GPR143: variants seen among roughly 807,000 people sequenced by gnomAD.
GPR143 encodes G-protein coupled receptor 143.
Under a neutral mutation model 27.6 loss-of-function variants are expected in GPR143, and 8 were observed. The observed-to-expected ratio is 0.29, with a 90% CI of 0.17 to 0.52. The LOEUF is 0.52. Among genes scored for constraint, GPR143 ranks in the 20% least tolerant of loss-of-function variants. The pLI is 0.96. For synonymous variants in GPR143, 156 were observed against 153.2 expected, an observed-to-expected ratio of 1.02 and a Z score of -0.13; for missense variants, 303 against 343.1, an observed-to-expected ratio of 0.88 and a Z score of 0.92.
chrX:9,728,997 T>C (rs887599058), intron 8 of GPR143, among the ~76,000 whole-genome samples: 1 of 111,071 alleles, frequency 9.0e-6, no homozygotes, highest in East Asian at 2.8e-4. Flanking sequence ...GATGAGCTGC[T>C]TGAAGGGCAG....
chrX:9,776,818 C>T (rs1423313154), intron 1 of GPR143, among the ~76,000 whole-genome samples: 1 of 111,444 alleles, frequency 9.0e-6, no homozygotes, highest in African/African-American at 3.3e-5. Flanking sequence ...GCGATCCTCC[C>T]ACTTCAGCCT....
chrX:9,762,495 AACAC>A (rs2083507327), intron 1 of GPR143, among the ~76,000 whole-genome samples: 1 of 111,977 alleles, frequency 8.9e-6, no homozygotes, highest in Non-Finnish European at 1.9e-5. Flanking sequence ...TACACCACTA[AACAC>A]ACACTGTGCA....
At chrX:9,747,009 TAAAAAAAAAAA>T (rs56761188) in intron 4 of GPR143, among the ~76,000 whole-genome samples, 67 of 37,634 alleles carry the variant, frequency 1.8e-3, no homozygotes, top group African/African-American at 5.0e-3. Context: ...GCAGAAAATG[TAAAAAAAAAAA>T]AAAAAAAAAA....
rs2083527354 is a variant in GPR143, at chrX:9,765,569, C to T, written c.249G>A (p.Leu83=). ...CCCGCGGGCCGCGCGCGCCCTTACCCAGGCAGCCGAGAAGGTCGCAGGCAG... is the reference window on the plus strand; with the variant it reads ...CCCGCGGGCCGCGCGCGCCCTTACCTAGGCAGCCGAGAAGGTCGCAGGCAG... The part of the protein sequence containing the change: ...AAAACDLLGC[L]GMVIRSTVWL... Residue 83 remains leucine, a splice_region_variant and synonymous_variant, in exon 1 of 9, where the codon CTG becomes CTA. Coordinates refer to ENST00000467482, the MANE Select transcript of GPR143 (RefSeq NM_000273.3). The T allele has an allele frequency of 9.3e-7, 1 of 1,077,142 alleles. No homozygotes were observed. Among genetic ancestry groups the T allele is most frequent in the Non-Finnish European group, 1.2e-6 (1 of 831,241 alleles). 88.8% of individuals were successfully genotyped at this position (1,077,142 alleles called of 1,213,427 possible).
chrX:9,739,211 A>G (rs1325903170), intron 8 of GPR143, among the ~76,000 whole-genome samples: 1 of 112,442 alleles, frequency 8.9e-6, no homozygotes, highest in Non-Finnish European at 1.9e-5. Context: ...CTGGAAAAAA[A>G]TCACATTTTT....
At chrX:9,766,020 G>A (rs928379753), upstream of GPR143, 9 of 300,725 alleles carry the variant, frequency 3.0e-5, no homozygotes, top group Non-Finnish European at 5.1e-5. Context: ...ATGCTTGGGC[G>A]GGCGGAGGAG....
At chrX:9,748,809 C>A in intron 3 of GPR143, 143 bp from the exon 4 acceptor site, 1 of 485,462 alleles carries the variant, frequency 2.1e-6, no homozygotes. Flanking sequence ...CCTCGTGCTG[C>A]TGAGGTTGGT....
chrX:9,746,006 C>T lies in GPR143; in HGVS notation c.658+38G>A, dbSNP rs748766569. On this transcript the variant is annotated intron_variant, in intron 5 of 8. Coordinates refer to ENST00000467482, the MANE Select transcript of GPR143 (RefSeq NM_000273.3). ...TGAGCCCGAGGCATGGGGCCGCTCC[C>T]AGTGGCCGTGTACCCAGAGAGCTTC... 6 of 845,661 alleles carry T rather than the reference C, an allele frequency of 7.1e-6. No homozygotes were observed. In the South Asian group the frequency reaches 1.2e-4, roughly 17 times the overall value. The allele number at this position is 845,661 out of a possible 1,213,427, so 69.7% of individuals were successfully genotyped here. A position where few individuals can be genotyped will look rare whatever the true frequency, so the allele number is the denominator to read the frequency against.
intron 4 of GPR143, among the ~76,000 whole-genome samples, chrX:9,748,323 C>T (rs1470618518): frequency 8.9e-6 from 1 of 112,864 alleles, no homozygotes; most frequent in Non-Finnish European, 1.9e-5. Context: ...TGCCTACATG[C>T]TTGTGTGCAT....
chrX:9,765,202 A>G (rs1466053834), intron 1 of GPR143, among the ~76,000 whole-genome samples: 2 of 110,630 alleles, frequency 1.8e-5, no homozygotes, highest in Non-Finnish European at 3.8e-5. Flanking sequence ...CCTGCGGGCC[A>G]TGCGCCCTCA....
chrX:9,745,880 A>G (rs1055022961), intron 5 of GPR143, among the ~76,000 whole-genome samples, 164 bp downstream of exon 5: 1 of 112,375 alleles, frequency 8.9e-6, no homozygotes, highest in African/African-American at 3.2e-5. Flanking sequence ...TCATTTATTG[A>G]ACCTGCTTAC....
intron 1 of GPR143, among the ~76,000 whole-genome samples, chrX:9,774,499 T>A (rs1937951247): frequency 8.9e-6 from 1 of 112,573 alleles, no homozygotes; most frequent in Non-Finnish European, 1.9e-5. Context: ...GGGTGGGCAC[T>A]TCAACACCCA....
At chrX:9,748,135 G>C in intron 4 of GPR143, 1 of 164,576 alleles carries the variant, frequency 6.1e-6, no homozygotes, top group Non-Finnish European at 1.2e-5. Context: ...AATAAGCTCT[G>C]CCCAGGGATC....
At chrX:9,746,930 G>C (rs1186914349) in intron 4 of GPR143, among the ~76,000 whole-genome samples, 1 of 103,800 alleles carries the variant, frequency 9.6e-6, no homozygotes, top group African/African-American at 3.5e-5. Context: ...GGCCACGGAA[G>C]GGGGAATGAC....
At chrX:9,732,675 C>T (rs150008534) in intron 8 of GPR143, among the ~76,000 whole-genome samples, 28 of 109,545 alleles carry the variant, frequency 2.6e-4, no homozygotes, top group African/African-American at 9.3e-4. Context: ...CTAGCCTGGC[C>T]AACATGGTGA....
At chrX:9,761,807 G>C (rs1191451612) in intron 1 of GPR143, among the ~76,000 whole-genome samples, 1 of 112,859 alleles carries the variant, frequency 8.9e-6, no homozygotes, top group Non-Finnish European at 1.9e-5. Context: ...TTGTTTAAAA[G>C]TACACTAGGG....
At chrX:9,757,903 C>T (rs780963236) in intron 3 of GPR143, among the ~76,000 whole-genome samples, 4 of 110,448 alleles carry the variant, frequency 3.6e-5, no homozygotes, top group South Asian at 3.9e-4. Flanking sequence ...CTGGGACCAC[C>T]GTTGCACCCC....
chrX:9,743,185 C>A (rs2083412023), intron 6 of GPR143, among the ~76,000 whole-genome samples: 1 of 93,499 alleles, frequency 1.1e-5, no homozygotes, highest in Non-Finnish European at 2.1e-5. Flanking sequence ...CACTCCAGCA[C>A]TCCAGCCTGG....
chrX:9,726,843 T>C (rs1470634613), intron 8 of GPR143, among the ~76,000 whole-genome samples: 1 of 112,503 alleles, frequency 8.9e-6, no homozygotes, highest in Non-Finnish European at 1.9e-5. Context: ...TAATCAATCT[T>C]CCCCTTTCTC....
Sources: allele counts gnomAD v4.1 joint callset (sites outside exome capture counted in the v4.1 genomes callset), GRCh38; gene constraint gnomAD v4.1.1; transcripts MANE v1.5; gene names NCBI Gene and HGNC (gene_info 2026-07-23, HGNC 2026-07-21).